Variants in KIF18B observed in about 807,000 individuals in gnomAD.
The protein encoded by KIF18B is kinesin-like protein KIF18B.
KIF18B carries 49 observed loss-of-function variants against 80.9 expected under a neutral mutation model. That is an observed-to-expected ratio of 0.61 (90% CI 0.48 to 0.77). The LOEUF is 0.77. KIF18B is among the 30% of genes least tolerant of loss of function. The pLI, the probability that KIF18B is intolerant of heterozygous loss-of-function variation, is 0.00. For missense variants in KIF18B, 994 were observed against 1,127.7 expected, an observed-to-expected ratio of 0.88 and a Z score of 1.70; for synonymous variants, 439 against 463.9, an observed-to-expected ratio of 0.95 and a Z score of 0.69.
intron 9 of KIF18B, 98 bp from the exon 10 acceptor site, chr17:44,932,304 G>T: frequency 7.1e-7 from 1 of 1,401,392 alleles, no homozygotes; most frequent in Non-Finnish European, 9.5e-7. Flanking sequence ...CAGGGAGCGG[G>T]TGGGATCTCT....
chr17:44,929,260 G>A (rs2052098643), intron 11 of KIF18B, among the ~76,000 whole-genome samples: 1 of 152,224 alleles, frequency 6.6e-6, no homozygotes. Context: ...GGGTAATGGT[G>A]GGAGGTGTCA....
Position 44,934,661 on chromosome 17 carries a change from C to T in KIF18B, c.577-44G>A. ...GGAACGGGGCTGTGGGTTCCCGGAT[C>T]AGGACTTTTCCCCTAACAGGAAGGG... On this transcript the variant is annotated intron_variant, in intron 4 of 15. Coordinates refer to ENST00000593135, the MANE Select transcript of KIF18B (RefSeq NM_001265577.2). The surrounding 1 kb of genome is among the most constrained non-coding windows in gnomAD (Gnocchi z 5.4). 2 of 1,487,144 alleles carry T rather than the reference C, an allele frequency of 1.3e-6. No homozygotes were observed. The highest frequency in any genetic ancestry group is 2.4e-5 in the East Asian group (1 of 41,696). The allele number at this position is 1,487,144 out of a possible 1,614,324, so 92.1% of individuals were successfully genotyped here.
chr17:44,932,519 T>C, intron 9 of KIF18B, 154 bp downstream of exon 9: 1 of 626,614 alleles, frequency 1.6e-6, no homozygotes, highest in South Asian at 1.9e-5. Flanking sequence ...TAGGTGACAG[T>C]CAGTTGCTGG....
chr17:44,943,768 T>C (rs2052462374), intron 1 of KIF18B, among the ~76,000 whole-genome samples: 1 of 152,206 alleles, frequency 6.6e-6, no homozygotes. Context: ...AATGCAGTGG[T>C]GGGATCACCA....
rs1337869354 is a variant in KIF18B, at chr17:44,936,275, T to C, written c.70A>G (p.Ser24Gly). 3.1e-6 allele frequency: 5 copies of C among 1,611,184 alleles called. No individual in the cohort carries two copies. The highest frequency in any genetic ancestry group is 4.2e-6 in the Non-Finnish European group (5 of 1,179,272). Residue 24 changes from serine (S) to glycine (G), a missense_variant, in exon 2 of 16, where the codon AGT (serine) becomes GGT (glycine). By Grantham distance (56) the Ser-to-Gly change is moderately conservative. Transcript: ENST00000593135. ...VRPPTPRELD[S>G]QRRPVVQVVD... ...ACCTGAACCACTGGCCGCCGCTGACTGTCCAGCTCCCGAGGGGTGGGGGGC... is the reference window on the plus strand; with the variant it reads ...ACCTGAACCACTGGCCGCCGCTGACCGTCCAGCTCCCGAGGGGTGGGGGGC...
In KIF18B at chr17:44,935,420, C is replaced by T. The variant is rs2052265838; in HGVS notation, c.314-4G>A. 1 of 1,601,968 alleles carries T rather than the reference C, an allele frequency of 6.2e-7. No individual in the cohort carries two copies. Among genetic ancestry groups the T allele is most frequent in the Non-Finnish European group, 8.5e-7 (1 of 1,173,310 alleles). On this transcript the variant is annotated splice_polypyrimidine_tract_variant and splice_region_variant and intron_variant, in intron 2 of 15. Transcript: ENST00000593135. ...CCGGTGGCCCCGTAGGCAAACACTG[C>T]AGAGGACATAGTAAGGAGGAGGACC... is the stretch of plus-strand genomic sequence containing the variant.
chr17:44,947,113 C>CAAACAAAAAAAAAAAAAAAAAAAA (rs2052525502), intron 1 of KIF18B, among the ~76,000 whole-genome samples: 1 of 54,000 alleles, frequency 1.9e-5, no homozygotes, highest in African/African-American at 6.5e-5. Flanking sequence ...ACTCCATCTC[C>CAAACAAAAAAAAAAAAAAAAAAAA]AAAAAAAAAA....
chr17:44,932,610 G>C, intron 9 of KIF18B, 63 bp downstream of exon 9: 2 of 891,954 alleles, frequency 2.2e-6, no homozygotes, highest in South Asian at 1.3e-5. Flanking sequence ...CTGGAGAAGA[G>C]GGCCTGGCTC....
At chr17:44,937,895 A>G (rs1397255832) in intron 1 of KIF18B, among the ~76,000 whole-genome samples, 1 of 152,116 alleles carries the variant, frequency 6.6e-6, no homozygotes, top group Non-Finnish European at 1.5e-5. Flanking sequence ...TTATAACATT[A>G]GCAATTTCTT....
chr17:44,941,269 A>T (rs995960104), intron 1 of KIF18B, among the ~76,000 whole-genome samples: 2 of 151,982 alleles, frequency 1.3e-5, no homozygotes, highest in African/African-American at 4.8e-5. Flanking sequence ...AATAATTATA[A>T]TTCCTTTTAT....
chr17:44,934,156 G>A lies in KIF18B; in HGVS notation c.886-57C>T, dbSNP rs983753936. On this transcript the variant is annotated intron_variant, in intron 6 of 15. Transcript: ENST00000593135. The surrounding 1 kb of genome is among the most constrained non-coding windows in gnomAD (Gnocchi z 5.4). ...CGACTGATGGCACTGACCCAGGATG[G>A]GGCCCTGTGGCCTTTGGCCCTGGGT... is the stretch of plus-strand genomic sequence containing the variant. The A allele has an allele frequency of 4.9e-5, 79 of 1,599,260 alleles. No homozygotes were observed. Among genetic ancestry groups the A allele is most frequent in the Non-Finnish European group, 6.1e-5 (72 of 1,172,224 alleles).
intron 1 of KIF18B, among the ~76,000 whole-genome samples, chr17:44,941,652 A>T (rs2052421475): frequency 6.6e-6 from 1 of 152,024 alleles, no homozygotes; most frequent in Non-Finnish European, 1.5e-5. Context: ...CCTAATTTTC[A>T]ACAGAGAGGG....
rs528694207 is a variant in KIF18B, at chr17:44,925,905, G to A, written c.*175C>T. On this transcript the variant is annotated 3_prime_UTR_variant, in exon 16 of 16. Transcript: ENST00000593135. ...ACAGGAGATTAACAGAGGGTGAGTA[G>A]CAGGATGGATGTCTGGGGAGGGATG... The A allele has an allele frequency of 7.6e-6, 5 of 656,446 alleles. No homozygotes were observed. The highest frequency in any genetic ancestry group is 1.4e-5 in the Non-Finnish European group (5 of 369,554). 40.7% of individuals were successfully genotyped at this position (656,446 alleles called of 1,614,324 possible). A position where few individuals can be genotyped will look rare whatever the true frequency, so the allele number is the denominator to read the frequency against.
At chr17:44,933,824 A>T in intron 7 of KIF18B, 99 bp downstream of exon 7, 1 of 1,176,342 alleles carries the variant, frequency 8.5e-7, no homozygotes, top group Non-Finnish European at 1.2e-6. Context: ...CCTTGGGGAC[A>T]CTTGGCCCAG....
At chr17:44,935,220 GT>G in intron 3 of KIF18B, 38 bp downstream of exon 3, 1 of 1,546,798 alleles carries the variant, frequency 6.5e-7, no homozygotes, top group Non-Finnish European at 8.7e-7. Context: ...TTCCCCCCGG[GT>G]GGTTGTGAGA....
At chr17:44,947,209 G>A (rs1169267064) in intron 1 of KIF18B, among the ~76,000 whole-genome samples, 1 of 151,964 alleles carries the variant, frequency 6.6e-6, no homozygotes, top group Non-Finnish European at 1.5e-5. Context: ...GGGTGGAGGG[G>A]GGCTTACATA....
Position 44,936,081 on chromosome 17 carries a change from G to A in KIF18B, c.264C>T (p.His88=), listed in dbSNP as rs772165007. 3 of 1,613,872 alleles carry A rather than the reference G, an allele frequency of 1.9e-6. No individual in the cohort carries two copies. Among genetic ancestry groups the A allele is most frequent in the Non-Finnish European group, 2.5e-6 (3 of 1,179,906 alleles). ...AGCTGTCCAGGACGCTGTGCGTGGT[G>A]TGCTGGAACACGTCCTGTTGGGTGG... is the stretch of plus-strand genomic sequence containing the variant. ...EAATQQDVFQ[H]TTHSVLDSFL... Residue 88 remains histidine (H), a synonymous_variant, in exon 2 of 16, where the codon CAC becomes CAT. Transcript: ENST00000593135.
At chr17:44,933,425 G>T (rs1466937549) in intron 7 of KIF18B, among the ~76,000 whole-genome samples, 1 of 152,140 alleles carries the variant, frequency 6.6e-6, no homozygotes, top group African/African-American at 2.4e-5. Flanking sequence ...CCTCTCAGCT[G>T]GTGGCTTCCC....
chr17:44,928,178 G>T lies in KIF18B; in HGVS notation c.2124C>A (p.Asn708Lys). ...RVPLGPSAMQ[N>K]CSTPLALPTR... ...TGGGCAGAGCCAGCGGGGTGGAGCA[G>T]TTCTGCATGGCGGAAGGGCCCAGGG... The change falls in exon 13 of 16, where the codon AAC becomes AAA. Residue 708 changes from asparagine (N) to lysine (K), a missense_variant. Transcript: ENST00000593135. The T allele has an allele frequency of 6.2e-7, 1 of 1,612,170 alleles. No homozygotes were observed. Among genetic ancestry groups the T allele is most frequent in the Non-Finnish European group, 8.5e-7 (1 of 1,178,936 alleles).
Sources: allele counts gnomAD v4.1 joint callset (sites outside exome capture counted in the v4.1 genomes callset), GRCh38; gene constraint gnomAD v4.1.1; non-coding constraint Gnocchi (gnomAD v3.1); transcripts MANE v1.5; gene names NCBI Gene and HGNC (gene_info 2026-07-23, HGNC 2026-07-21).